DDX6: variants seen among roughly 807,000 people sequenced by gnomAD.
DDX6 encodes DEAD-box helicase 6, also known as probable ATP-dependent RNA helicase DDX6.
A neutral mutation model predicts 60.6 loss-of-function variants in DDX6; 7 were observed. That is an observed-to-expected ratio of 0.12 (90% CI 0.07 to 0.22). The LOEUF (loss-of-function observed/expected upper bound fraction) is 0.22, where lower values mean the gene tolerates loss of function less well. Ranked by LOEUF, DDX6 falls within the 10% of genes least tolerant of loss-of-function variation. The pLI is 1.00. For synonymous variants in DDX6, 207 were observed against 201.0 expected (o/e 1.03, Z -0.25); for missense variants, 270 against 589.9 (o/e 0.46, Z 5.62).
chr11:118,752,474 T>C (rs1555157679), intron 13 of DDX6, among the ~76,000 whole-genome samples: 1 of 152,134 alleles, frequency 6.6e-6, no homozygotes, highest in East Asian at 1.9e-4. Flanking sequence ...AATTTAAAAA[T>C]TATTTAAGTA....
rs148982206 is a variant in DDX6 at position 118,786,018 on chromosome 11, C to A, written c.200+34G>T. The stretch of plus-strand genomic sequence containing the variant: ...AAGTAACACAAATCTTGGTTCCCCA[C>A]AAGTGTTTATTAATAATTTACTCTA... On this transcript the variant is annotated intron_variant, in intron 2 of 13. Coordinates refer to ENST00000534980, the MANE Select transcript of DDX6 (RefSeq NM_004397.6). The A allele has an allele frequency of 6.8e-4, 1,083 of 1,585,884 alleles. 9 individuals carry two copies. In the African/African-American group the frequency reaches 0.013, roughly 19 times the overall value.
chr11:118,749,487 AGTG>A lies in DDX6; in HGVS notation c.*2615_*2617del, dbSNP rs1860680274. 6.6e-6 allele frequency: 1 copy of A among 151,820 alleles called. No homozygotes were observed. The highest frequency in any genetic ancestry group is 1.5e-5 in the Non-Finnish European group (1 of 67,960). 9.4% of individuals were successfully genotyped at this position (151,820 alleles called of 1,614,324 possible). On this transcript the variant is annotated 3_prime_UTR_variant, in exon 14 of 14. Coordinates refer to ENST00000534980, the MANE Select transcript of DDX6 (RefSeq NM_004397.6). ...CTGCCTCTACAAGACCGTGTCCAGT[AGTG>A]GTGTCCCAGATAGTTTAAGTGCCAC... is the stretch of plus-strand genomic sequence containing the variant.
chr11:118,777,706 G>A (rs1265664993), intron 4 of DDX6, among the ~76,000 whole-genome samples: 2 of 151,962 alleles, frequency 1.3e-5, no homozygotes, highest in Admixed American at 6.6e-5. Context: ...CTGGTCTACA[G>A]GGTGAAACCC....
intron 2 of DDX6, among the ~76,000 whole-genome samples, chr11:118,784,737 G>A (rs1266076336): frequency 2.0e-5 from 3 of 150,926 alleles, no homozygotes; most frequent in South Asian, 2.1e-4. Flanking sequence ...GATTAAAGGC[G>A]TGAGCTACCG....
upstream of DDX6, chr11:118,791,359 G>A (rs546870737): frequency 6.8e-4 from 103 of 152,268 alleles, no homozygotes; most frequent in African/African-American, 2.5e-3. Context: ...GCTTCCTGAG[G>A]AGAAAATGGA....
chr11:118,776,960 T>G (rs1418821106), intron 4 of DDX6, among the ~76,000 whole-genome samples: 1 of 151,904 alleles, frequency 6.6e-6, no homozygotes, highest in East Asian at 1.9e-4. Flanking sequence ...ATGATGCATA[T>G]CCTTGTTTTG....
intron 7 of DDX6, among the ~76,000 whole-genome samples, chr11:118,760,533 C>T (rs762890189): frequency 8.9e-4 from 135 of 152,110 alleles, no homozygotes; most frequent in Non-Finnish European, 7.2e-4. Flanking sequence ...TTTAAAAGTA[C>T]GGGTTCTGGC....
At chr11:118,773,571 C>T (rs994718583) in intron 4 of DDX6, among the ~76,000 whole-genome samples, 3 of 149,270 alleles carry the variant, frequency 2.0e-5, no homozygotes, top group Non-Finnish European at 3.0e-5. Context: ...GACTCTGTCT[C>T]AAAACAAAAT....
chr11:118,784,235 C>G (rs1861999825), intron 2 of DDX6, among the ~76,000 whole-genome samples: 1 of 152,044 alleles, frequency 6.6e-6, no homozygotes, highest in African/African-American at 2.4e-5. Context: ...AGAATATACA[C>G]TAATACCAAT....
At chr11:118,758,378 T>A (rs1320745577) in intron 9 of DDX6, among the ~76,000 whole-genome samples, 14 of 152,168 alleles carry the variant, frequency 9.2e-5, no homozygotes, top group South Asian at 6.2e-4. Flanking sequence ...TTAATCTTTT[T>A]TTTTTTCTTC....
chr11:118,757,407 C>T (rs1861012980), intron 9 of DDX6, 120 bp from the exon 10 acceptor site: 2 of 519,986 alleles, frequency 3.8e-6, no homozygotes, highest in Non-Finnish European at 6.9e-6. Context: ...CTTAGAATCT[C>T]ATGATATGAG....
chr11:118,754,733 A>C lies in DDX6; in HGVS notation c.1431T>G (p.Pro477=), dbSNP rs782554652. 1.2e-6 allele frequency: 2 copies of C among 1,609,984 alleles called. No homozygotes were observed. The highest frequency in any genetic ancestry group is 4.5e-5 in the East Asian group (2 of 44,804). The change falls in exon 13 of 14, where the codon CCT becomes CCG. Residue 477 remains proline (P), a synonymous_variant. Transcript: ENST00000534980. ...SLYVAEYHSE[P]VEDEKP Reference sequence around the variant, plus strand: ...CTTGTTAAGGTTTCTCATCTTCTACAGGCTCGCTGTGGTATTCTGCCACAT... The same window carrying C: ...CTTGTTAAGGTTTCTCATCTTCTACCGGCTCGCTGTGGTATTCTGCCACAT...
chr11:118,765,401 G>T (rs371503852), intron 5 of DDX6, 46 bp from the exon 6 acceptor site: 2 of 1,592,752 alleles, frequency 1.3e-6, no homozygotes, highest in Non-Finnish European at 1.7e-6. Flanking sequence ...GGGTGAGGTG[G>T]GAGAACATGC....
chr11:118,756,340 T>C lies in DDX6; in HGVS notation c.1111-17A>G. ...TCGATGTTCCTAGGAGAAAGCAATG[T>C]ATTCCATTTGATTAACACTCATATA... On this transcript the variant is annotated splice_polypyrimidine_tract_variant and intron_variant, in intron 10 of 13. Transcript: ENST00000534980. The C allele has an allele frequency of 1.1e-5, 17 of 1,606,546 alleles. No individual in the cohort carries two copies. The highest frequency in any genetic ancestry group is 1.4e-5 in the Non-Finnish European group (17 of 1,173,446).
At chr11:118,775,557 C>T (rs182590412) in intron 4 of DDX6, among the ~76,000 whole-genome samples, 1 of 152,096 alleles carries the variant, frequency 6.6e-6, no homozygotes, top group African/African-American at 2.4e-5. Context: ...AAGAAAAAGG[C>T]AATACAAGTG....
At chr11:118,760,807 C>G (rs1184945143) in intron 7 of DDX6, among the ~76,000 whole-genome samples, 2 of 119,482 alleles carry the variant, frequency 1.7e-5, no homozygotes, top group African/African-American at 6.5e-5. Flanking sequence ...GGCGACAGGG[C>G]GAGACTACTC....
intron 9 of DDX6, 33 bp from the exon 10 acceptor site, chr11:118,757,320 TA>T (rs531102422): frequency 6.4e-6 from 8 of 1,244,714 alleles, no homozygotes; most frequent in Admixed American, 3.3e-5. Flanking sequence ...ATGAGAAAAA[TA>T]AAAAAAACCT....
intron 13 of DDX6, among the ~76,000 whole-genome samples, chr11:118,753,290 A>G (rs935614219): frequency 6.6e-6 from 1 of 150,732 alleles, no homozygotes; most frequent in East Asian, 2.0e-4. Context: ...TCGGCCTCCC[A>G]AAGTGCTGGG....
At chr11:118,758,947 A>G (rs1033952019) in intron 8 of DDX6, 45 bp from the exon 9 acceptor site, 1 of 1,608,762 alleles carries the variant, frequency 6.2e-7, no homozygotes, top group Non-Finnish European at 8.5e-7. Context: ...CTTAAATGAA[A>G]GCAGAGTTCA....
Sources: gnomAD v4.1 joint callset for allele counts (sites outside exome capture counted in the v4.1 genomes callset) on GRCh38, gnomAD v4.1.1 for gene constraint, MANE v1.5 for transcripts, NCBI Gene and HGNC (gene_info 2026-07-23, HGNC 2026-07-21) for gene names.